RNF6: variants seen among roughly 807,000 people sequenced by gnomAD.
The protein encoded by RNF6 is E3 ubiquitin-protein ligase RNF6.
A neutral mutation model predicts 50.1 loss-of-function variants in RNF6; 21 were observed. The observed-to-expected ratio is 0.42, with a 90% CI of 0.30 to 0.60. The LOEUF is 0.60. Ranked by LOEUF, RNF6 falls within the 20% of genes least tolerant of loss-of-function variation. The pLI, the probability that RNF6 is intolerant of heterozygous loss-of-function variation, is 0.20. For synonymous variants in RNF6, 255 were observed against 291.8 expected (o/e 0.87, Z 1.29); for missense variants, 698 against 838.2 (o/e 0.83, Z 2.07).
At chr13:26,156,223 A>G (rs1347474112) in intron 5 of RNF6, among the ~76,000 whole-genome samples, 1 of 152,220 alleles carries the variant, frequency 6.6e-6, no homozygotes, top group Non-Finnish European at 1.5e-5. Flanking sequence ...AGTTTTCAAT[A>G]TTAACACTGG....
intron 5 of RNF6, among the ~76,000 whole-genome samples, chr13:26,187,089 C>T (rs1036385743): frequency 3.9e-5 from 6 of 152,100 alleles, no homozygotes; most frequent in African/African-American, 1.5e-4. Context: ...CGTCAGGGAC[C>T]TTTCTAGAGC....
intron 5 of RNF6, among the ~76,000 whole-genome samples, chr13:26,205,766 C>G (rs1312877285): frequency 6.6e-6 from 1 of 152,234 alleles, no homozygotes; most frequent in Non-Finnish European, 1.5e-5. Context: ...GTAATCCCAG[C>G]ACTTTCAGAG....
intron 5 of RNF6, among the ~76,000 whole-genome samples, chr13:26,172,651 G>C (rs545047001): frequency 2.0e-5 from 3 of 151,658 alleles, no homozygotes; most frequent in Admixed American, 6.6e-5. Flanking sequence ...TCACGCCATT[G>C]TCCTGCCTCA....
At chr13:26,149,941 A>G (rs9581563) in intron 5 of RNF6, among the ~76,000 whole-genome samples, 1 of 96,132 alleles carries the variant, frequency 1.0e-5, no homozygotes, top group Non-Finnish European at 2.2e-5. Flanking sequence ...TACACAGTGT[A>G]TATATAATGT....
At chr13:26,139,709 T>C (rs755642795) in intron 5 of RNF6, among the ~76,000 whole-genome samples, 1 of 152,242 alleles carries the variant, frequency 6.6e-6, no homozygotes, top group Non-Finnish European at 1.5e-5. Context: ...ATTTAGTCCT[T>C]CCTTGCTGTC....
downstream of RNF6, among the ~76,000 whole-genome samples, chr13:26,210,034 T>C (rs963737891): frequency 1.3e-5 from 2 of 152,114 alleles, no homozygotes; most frequent in Non-Finnish European, 2.9e-5. Flanking sequence ...ACTAACACAC[T>C]CATACTCACT....
chr13:26,148,640 A>G (rs1370769463), intron 5 of RNF6, among the ~76,000 whole-genome samples: 1 of 96,318 alleles, frequency 1.0e-5, no homozygotes, highest in African/African-American at 3.3e-5. Context: ...CTTTATATAT[A>G]TATATATATA....
intron 5 of RNF6, among the ~76,000 whole-genome samples, chr13:26,175,143 T>C (rs1003665909): frequency 5.9e-5 from 9 of 152,058 alleles, no homozygotes; most frequent in African/African-American, 1.7e-4. Flanking sequence ...TGCAATGGCG[T>C]GATCTCGGCT....
chr13:26,196,606 C>T (rs1421538511), intron 5 of RNF6, among the ~76,000 whole-genome samples: 1 of 151,428 alleles, frequency 6.6e-6, no homozygotes, highest in Non-Finnish European at 1.5e-5. Context: ...GCCCTCTAGC[C>T]TGGGTGACAG....
Position 26,219,659 on chromosome 13 carries a change from C to T in RNF6, c.-10G>A. 1 of 1,611,430 alleles carries T rather than the reference C, an allele frequency of 6.2e-7. No individual in the cohort carries two copies. Among genetic ancestry groups the T allele is most frequent in the Non-Finnish European group, 8.5e-7 (1 of 1,179,172 alleles). On this transcript the variant is annotated 5_prime_UTR_variant, in exon 3 of 5. Coordinates refer to ENST00000381588, the MANE Select transcript of RNF6 (RefSeq NM_005977.4). The stretch of plus-strand genomic sequence containing the variant: ...ATCTAGACTGATTCATCCTGAGATT[C>T]CTGGCTTTCTGTTCAAACAATATAA...
At chr13:26,155,492 T>C (rs1871868673) in intron 5 of RNF6, among the ~76,000 whole-genome samples, 2 of 151,930 alleles carry the variant, frequency 1.3e-5, no homozygotes, top group African/African-American at 4.8e-5. Flanking sequence ...TAGAACAGGG[T>C]TCAGGATGAA....
intron 5 of RNF6, among the ~76,000 whole-genome samples, chr13:26,167,583 T>C (rs1404312856): frequency 1.3e-5 from 2 of 152,240 alleles, no homozygotes; most frequent in East Asian, 3.8e-4. Context: ...GAAAAAGGAA[T>C]GCTTATACAT....
At chr13:26,170,775 A>G (rs1404107765) in intron 5 of RNF6, among the ~76,000 whole-genome samples, 2 of 152,198 alleles carry the variant, frequency 1.3e-5, no homozygotes, top group Non-Finnish European at 2.9e-5. Flanking sequence ...CTTAATCACA[A>G]ACCAACTGAA....
chr13:26,188,625 T>G (rs1166225276), intron 5 of RNF6, among the ~76,000 whole-genome samples: 1 of 39,504 alleles, frequency 2.5e-5, no homozygotes, highest in Non-Finnish European at 5.9e-5. Context: ...CAAAAGAGCT[T>G]TTTTTTTTTT....
chr13:26,214,904 G>C lies in RNF6; in HGVS notation c.978C>G (p.Ser326=). The C allele has an allele frequency of 1.2e-6, 2 of 1,614,140 alleles. No individual in the cohort carries two copies. Among genetic ancestry groups the C allele is most frequent in the South Asian group, 1.1e-5 (1 of 91,076 alleles). ...GCTGTACTGGTCTACTTTCCCTTTG[G>C]GAATTATGATAAACAGTGCCACTCT... The part of the protein sequence containing the change: ...QRQSGTVYHN[S]QRESRPVQQT... The change falls in exon 5 of 5, where the codon TCC becomes TCG. Residue 326 remains serine, a synonymous_variant. Coordinates refer to ENST00000381588, the MANE Select transcript of RNF6 (RefSeq NM_005977.4).
chr13:26,186,741 GAGGGC>G (rs1873562265), intron 5 of RNF6, among the ~76,000 whole-genome samples: 1 of 152,034 alleles, frequency 6.6e-6, no homozygotes, highest in Admixed American at 6.5e-5. Context: ...CGGCTCCGGG[GAGGGC>G]AGGGAAGCGT....
intron 5 of RNF6, among the ~76,000 whole-genome samples, chr13:26,155,665 T>C (rs1871881906): frequency 6.6e-6 from 1 of 152,198 alleles, no homozygotes; most frequent in African/African-American, 2.4e-5. Context: ...TCTGAAGGGA[T>C]GCCATCCAAC....
chr13:26,208,830 G>C (rs1190684919), downstream of RNF6, among the ~76,000 whole-genome samples: 1 of 152,198 alleles, frequency 6.6e-6, no homozygotes, highest in Non-Finnish European at 1.5e-5. Flanking sequence ...GCACTGGTCT[G>C]AAATGCAATG....
intron 5 of RNF6, among the ~76,000 whole-genome samples, chr13:26,173,945 G>A (rs1453251711): frequency 6.3e-4 from 46 of 72,894 alleles, no homozygotes; most frequent in Non-Finnish European, 6.7e-4. Flanking sequence ...GCGAGACTCC[G>A]TCTCAAAAAA....
Sources: allele counts gnomAD v4.1 joint callset (sites outside exome capture counted in the v4.1 genomes callset), GRCh38; gene constraint gnomAD v4.1.1; transcripts MANE v1.5; gene names NCBI Gene and HGNC (gene_info 2026-07-23, HGNC 2026-07-21).